The following DAB1 variants were observed in gnomAD, a reference collection of about 807,000 sequenced individuals.
The protein encoded by DAB1 is DAB adaptor protein 1.
In DAB1, 15 loss-of-function variants were observed where a neutral mutation model predicts 64.6. The observed-to-expected ratio is 0.23, with a 90% CI of 0.16 to 0.36. The LOEUF is 0.36. Among genes scored for constraint, DAB1 ranks in the 10% least tolerant of loss-of-function variants. The probability of loss-of-function intolerance (pLI) is 1.00; values close to 1 mark genes in which losing one functional copy is unlikely to be tolerated. For synonymous variants in DAB1, 235 were observed against 251.9 expected, an observed-to-expected ratio of 0.93 and a Z score of 0.64; for missense variants, 596 against 706.7, an observed-to-expected ratio of 0.84 and a Z score of 1.78.
chr1:57,577,827 C>T (rs538301544), intron 7 of DAB1, among the ~76,000 whole-genome samples: 1 of 152,328 alleles, frequency 6.6e-6, no homozygotes, highest in South Asian at 2.1e-4. Context: ...ATTTTGCATC[C>T]TCTTTTAGTC....
At chr1:57,735,609 G>GTTTTTTTTT (rs59456674) in intron 6 of DAB1, among the ~76,000 whole-genome samples, 10 of 95,194 alleles carry the variant, frequency 1.1e-4, no homozygotes, top group African/African-American at 1.2e-4. Flanking sequence ...CTGTTTGCTT[G>GTTTTTTTTT]TTTTTTTTTT....
At chr1:57,609,191 C>T (rs901343182) in intron 7 of DAB1, among the ~76,000 whole-genome samples, 1 of 151,730 alleles carries the variant, frequency 6.6e-6, no homozygotes, top group Non-Finnish European at 1.5e-5. Flanking sequence ...GTCAGTTCTC[C>T]GTATCTGTGG....
Position 57,929,424 on chromosome 1 carries a change from CA to C in DAB1, n.388-45263del, listed in dbSNP as rs374017147. 1.4e-3 allele frequency among the ~76,000 whole-genome samples: 209 copies of C among 152,290 alleles called. 8 individuals carry two copies. In the South Asian group the frequency reaches 0.041, roughly 30 times the overall value. ...TTGTTCTTTTCACAAGTGTCTTTCA[CA>C]GAGCAGAAATTAATTTTAGTAAAGT... On this transcript the variant is annotated intron_variant and non_coding_transcript_variant, in intron 5 of 20. Transcript: ENST00000485760.
chr1:58,496,344 T>G (rs1401629913), intron 3 of DAB1, among the ~76,000 whole-genome samples: 1 of 152,220 alleles, frequency 6.6e-6, no homozygotes, highest in African/African-American at 2.4e-5. Flanking sequence ...GGATTTATCT[T>G]ACATTTGTAA....
intron 5 of DAB1, among the ~76,000 whole-genome samples, chr1:58,080,494 G>T (rs893262624): frequency 1.3e-5 from 2 of 152,216 alleles, no homozygotes; most frequent in Non-Finnish European, 2.9e-5. Context: ...CCTAAAAGCA[G>T]CAAGTTTATC....
At position 58,440,165 on chromosome 1, in the gene DAB1, A is replaced by G. The variant is rs566133718; in HGVS notation, n.257+65895T>C. Among the ~76,000 whole-genome samples the G allele has an allele frequency of 8.4e-4, 128 of 152,336 alleles. 1 individual carries two copies. Among genetic ancestry groups the G allele is most frequent in the Admixed American group, 8.0e-3 (122 of 15,312 alleles). On this transcript the variant is annotated intron_variant and non_coding_transcript_variant, in intron 3 of 20. Coordinates refer to the DAB1 transcript ENST00000485760. ...TGGGAAGATTTCCAAGATGCTTCCAATTGAAATCTGAAGGCCATGAGACAG... is the reference window on the plus strand; with the variant it reads ...TGGGAAGATTTCCAAGATGCTTCCAGTTGAAATCTGAAGGCCATGAGACAG...
chr1:57,265,479 T>C (rs1053860560), intron 2 of DAB1, among the ~76,000 whole-genome samples: 1 of 152,012 alleles, frequency 6.6e-6, no homozygotes, highest in African/African-American at 2.4e-5. Flanking sequence ...ATTTTTATAT[T>C]CATATATCTT....
At chr1:57,244,368 A>G (rs984299511) in intron 2 of DAB1, among the ~76,000 whole-genome samples, 10 of 150,486 alleles carry the variant, frequency 6.6e-5, no homozygotes, top group Admixed American at 6.6e-4. Context: ...ATAAATGAAC[A>G]AAGGAACAAA....
At chr1:57,328,956 C>T (rs759751823) in intron 1 of DAB1, among the ~76,000 whole-genome samples, 4 of 152,196 alleles carry the variant, frequency 2.6e-5, no homozygotes, top group Admixed American at 6.5e-5. Flanking sequence ...ACAGTGCTAA[C>T]ATGGTGACAT....
intron 2 of DAB1, among the ~76,000 whole-genome samples, chr1:57,217,117 C>T (rs560905108): frequency 2.6e-5 from 4 of 152,228 alleles, no homozygotes; most frequent in African/African-American, 4.8e-5. Flanking sequence ...GCACAGATAA[C>T]GATATTGAAA....
intron 5 of DAB1, among the ~76,000 whole-genome samples, chr1:58,149,532 A>C (rs920218631): frequency 2.0e-5 from 3 of 152,188 alleles, no homozygotes; most frequent in African/African-American, 7.2e-5. Context: ...AACCGGGTTC[A>C]TACAGGGCTT....
intron 3 of DAB1, among the ~76,000 whole-genome samples, chr1:58,424,806 CCAGT>C (rs901268036): frequency 1.1e-4 from 17 of 151,972 alleles, no homozygotes. Context: ...GGCTTGGGGA[CCAGT>C]CAAACATTAA....
chr1:57,556,586 A>G (rs981787810), intron 7 of DAB1, among the ~76,000 whole-genome samples: 5 of 152,070 alleles, frequency 3.3e-5, no homozygotes, highest in African/African-American at 1.2e-4. Flanking sequence ...TTCTTTTGAG[A>G]ATTGTCTATT....
chr1:57,206,968 C>CTCTTTT (rs1665598864), intron 2 of DAB1, among the ~76,000 whole-genome samples: 2 of 84,476 alleles, frequency 2.4e-5, no homozygotes, highest in Non-Finnish European at 4.4e-5. Context: ...TCCTTCCTTC[C>CTCTTTT]TTTTTTTTTT....
intron 7 of DAB1, chr1:57,605,807 AT>A (rs1408063138): frequency 1.2e-5 from 5 of 405,510 alleles, no homozygotes; most frequent in Non-Finnish European, 2.3e-5. Context: ...TTTTTTTTTT[AT>A]TTTAAACAAC....
intron 7 of DAB1, among the ~76,000 whole-genome samples, chr1:57,624,358 CT>C (rs1645897350): frequency 6.6e-6 from 1 of 152,068 alleles, no homozygotes; most frequent in Admixed American, 6.5e-5. Context: ...TCCCAAGTGA[CT>C]TAAACTCTCA....
intron 9 of DAB1, 49 bp from the exon 10 acceptor site, chr1:57,026,092 G>A (rs777677567): frequency 4.3e-5 from 60 of 1,392,716 alleles, no homozygotes; most frequent in Non-Finnish European, 5.7e-5. Flanking sequence ...AGCTGGTGCT[G>A]CTGGGCCCTG....
At chr1:58,468,436 A>C (rs1320265601) in intron 3 of DAB1, 2 of 152,192 alleles carry the variant, frequency 1.3e-5, no homozygotes, top group Non-Finnish European at 2.9e-5. Flanking sequence ...ATAGTATTCC[A>C]TTGCATGATG....
At chr1:57,271,438 T>C (rs1422868651) in intron 2 of DAB1, among the ~76,000 whole-genome samples, 1 of 152,172 alleles carries the variant, frequency 6.6e-6, no homozygotes, top group African/African-American at 2.4e-5. Context: ...CATTGTGTGG[T>C]GCAATTATTT....
Sources: gnomAD v4.1 joint callset for allele counts (sites outside exome capture counted in the v4.1 genomes callset) on GRCh38, gnomAD v4.1.1 for gene constraint, MANE v1.5 for transcripts, NCBI Gene and HGNC (gene_info 2026-07-23, HGNC 2026-07-21) for gene names.